Variants in NRXN1 observed in about 807,000 individuals in gnomAD.
The protein encoded by NRXN1 is neurexin 1, also known as neurexin-1.
In NRXN1, 39 loss-of-function variants were observed where a neutral mutation model predicts 150.9. The observed-to-expected ratio is 0.26, with a 90% CI of 0.20 to 0.34. NRXN1 has a LOEUF of 0.34. Ranked by LOEUF, NRXN1 falls within the 10% of genes least tolerant of loss-of-function variation. NRXN1 has a pLI of 1.00. For missense variants in NRXN1, 1,815 were observed against 1,949.9 expected (o/e 0.93, Z 1.30); for synonymous variants, 924 against 757.0 (o/e 1.22, Z -3.62).
intron 5 of NRXN1, among the ~76,000 whole-genome samples, chr2:50,689,852 ATT>A (rs1200866116): frequency 7.9e-5 from 8 of 101,878 alleles, no homozygotes; most frequent in African/African-American, 2.8e-4. Flanking sequence ...TTTTTTGCTT[ATT>A]TGTGTGTGTG....
intron 5 of NRXN1, among the ~76,000 whole-genome samples, chr2:50,848,193 A>G (rs898152695): frequency 1.3e-5 from 2 of 152,046 alleles, no homozygotes; most frequent in Non-Finnish European, 2.9e-5. Flanking sequence ...GCACCCCTAG[A>G]CGTTCAAACA....
intron 12 of NRXN1, among the ~76,000 whole-genome samples, chr2:50,524,356 G>A (rs906043776): frequency 6.6e-6 from 1 of 152,030 alleles, no homozygotes; most frequent in South Asian, 2.1e-4. Context: ...GTGCACGCCT[G>A]TAGTTCCAGC....
chr2:50,692,682 T>C (rs1465807395), intron 5 of NRXN1, among the ~76,000 whole-genome samples: 1 of 152,122 alleles, frequency 6.6e-6, no homozygotes, highest in African/African-American at 2.4e-5. Context: ...GATTAAAAAT[T>C]GGGGAGGGCT....
chr2:50,462,278 GAA>G (rs1018120833), intron 17 of NRXN1, among the ~76,000 whole-genome samples: 1 of 151,664 alleles, frequency 6.6e-6, no homozygotes, highest in African/African-American at 2.4e-5. Context: ...TAACTATAAG[GAA>G]AAAGTGATGG....
intron 21 of NRXN1, among the ~76,000 whole-genome samples, chr2:49,957,123 A>G (rs1558579940): frequency 2.0e-5 from 3 of 152,170 alleles, no homozygotes; most frequent in Non-Finnish European, 2.9e-5. Context: ...ACTACTGAGC[A>G]TGGAAGGAGC....
chr2:50,251,865 T>C (rs1425643527), intron 17 of NRXN1, among the ~76,000 whole-genome samples: 2 of 152,156 alleles, frequency 1.3e-5, no homozygotes, highest in African/African-American at 4.8e-5. Context: ...CTTTGCCCAG[T>C]TTTTAATGTT....
chr2:49,940,559 C>T (rs1202462604), intron 22 of NRXN1, among the ~76,000 whole-genome samples: 5 of 152,078 alleles, frequency 3.3e-5, no homozygotes, highest in Non-Finnish European at 5.9e-5. Context: ...CAGACTTAAA[C>T]AGGATTCAAA....
chr2:50,478,448 C>T (rs10211332), intron 15 of NRXN1, among the ~76,000 whole-genome samples: 48,681 of 151,994 alleles, frequency 0.32, 9,912 homozygotes, highest in Middle Eastern at 0.48. Flanking sequence ...TTCAAGCAGA[C>T]ATTTTGCTCT....
intron 17 of NRXN1, among the ~76,000 whole-genome samples, chr2:50,329,679 T>A (rs1480330411): frequency 1.5e-4 from 13 of 86,924 alleles, no homozygotes; most frequent in Non-Finnish European, 2.2e-4. Flanking sequence ...ATATATTTTT[T>A]TTTTTCCCCC....
intron 5 of NRXN1, among the ~76,000 whole-genome samples, chr2:50,626,133 C>T (rs1385822306): frequency 1.3e-5 from 2 of 151,830 alleles, no homozygotes; most frequent in Non-Finnish European, 2.9e-5. Flanking sequence ...CTAAAATAAT[C>T]TACAGAAATT....
At chr2:50,051,839 A>T (rs1692762113) in intron 21 of NRXN1, among the ~76,000 whole-genome samples, 1 of 152,132 alleles carries the variant, frequency 6.6e-6, no homozygotes, top group Admixed American at 6.6e-5. Context: ...GACAGTGATC[A>T]ATAAATATAT....
chr2:51,012,040 A>C (rs1228652240), intron 2 of NRXN1, among the ~76,000 whole-genome samples: 8 of 152,050 alleles, frequency 5.3e-5, no homozygotes, highest in Non-Finnish European at 1.2e-4. Context: ...CATTTATTGC[A>C]TTGTAATGAA....
At chr2:50,098,832 T>G (rs12988599) in intron 18 of NRXN1, among the ~76,000 whole-genome samples, 3,051 of 9,362 alleles carry the variant, frequency 0.33, 235 homozygotes, top group Middle Eastern at 0.37. Flanking sequence ...TGGTTTTAGT[T>G]TTTTTTTTTT....
intron 21 of NRXN1, among the ~76,000 whole-genome samples, chr2:49,990,716 C>T (rs1358156527): frequency 6.6e-6 from 1 of 152,122 alleles, no homozygotes; most frequent in Non-Finnish European, 1.5e-5. Flanking sequence ...TTACTTGGTT[C>T]TTAATGTCAG....
intron 9 of NRXN1, among the ~76,000 whole-genome samples, chr2:50,550,868 A>T (rs1457848574): frequency 1.3e-5 from 2 of 151,620 alleles, no homozygotes; most frequent in Non-Finnish European, 2.9e-5. Flanking sequence ...TTTTTAGTAG[A>T]GACGGGGTTT....
intron 5 of NRXN1, among the ~76,000 whole-genome samples, chr2:50,863,606 T>C (rs1393416514): frequency 4.6e-5 from 7 of 152,118 alleles, no homozygotes; most frequent in South Asian, 2.1e-4. Context: ...TTTGAGACTT[T>C]AATAAAAAAG....
At chr2:50,013,614 C>A (rs1407541656) in intron 21 of NRXN1, among the ~76,000 whole-genome samples, 1 of 152,120 alleles carries the variant, frequency 6.6e-6, no homozygotes, top group Non-Finnish European at 1.5e-5. Flanking sequence ...AAATAATTTA[C>A]AACATCTATT....
intron 5 of NRXN1, among the ~76,000 whole-genome samples, chr2:50,914,517 G>A (rs1684951084): frequency 6.6e-6 from 1 of 151,546 alleles, no homozygotes; most frequent in African/African-American, 2.4e-5. Context: ...ATTCATTTAA[G>A]ACTGAGATAA....
intron 17 of NRXN1, among the ~76,000 whole-genome samples, chr2:50,260,945 G>A (rs1446900427): frequency 6.6e-6 from 1 of 151,586 alleles, no homozygotes; most frequent in Non-Finnish European, 1.5e-5. Flanking sequence ...GCTGAAGTGG[G>A]AATATATGGT....
Sources: allele counts gnomAD v4.1 joint callset (sites outside exome capture counted in the v4.1 genomes callset), GRCh38; gene constraint gnomAD v4.1.1; transcripts MANE v1.5; gene names NCBI Gene and HGNC (gene_info 2026-07-23, HGNC 2026-07-21).